XKR6: variants seen among roughly 807,000 people sequenced by gnomAD.
XKR6 encodes XK-related protein 6.
In XKR6, 22 loss-of-function variants were observed where a neutral mutation model predicts 56.7. The observed-to-expected ratio is 0.39, with a 90% CI of 0.28 to 0.55. The LOEUF (loss-of-function observed/expected upper bound fraction) is 0.55, where lower values mean the gene tolerates loss of function less well. Among genes scored for constraint, XKR6 ranks in the 20% least tolerant of loss-of-function variants. The pLI is 0.66. For synonymous variants in XKR6, 524 were observed against 387.8 expected, an observed-to-expected ratio of 1.35 and a Z score of -4.13; for missense variants, 852 against 889.0, an observed-to-expected ratio of 0.96 and a Z score of 0.53.
chr8:11,115,672 A>C (rs1398149846), intron 1 of XKR6, among the ~76,000 whole-genome samples: 1 of 152,188 alleles, frequency 6.6e-6, no homozygotes, highest in Non-Finnish European at 1.5e-5. Flanking sequence ...ACCTGATTCA[A>C]ATTAAGCTCC....
chr8:11,066,523 A>G (rs2409688), intron 1 of XKR6, among the ~76,000 whole-genome samples: 46,881 of 151,980 alleles, frequency 0.31, 7,310 homozygotes, highest in Middle Eastern at 0.41. Context: ...CTTGGTTTTC[A>G]CATTTATCCA....
intron 2 of XKR6, among the ~76,000 whole-genome samples, chr8:10,914,469 C>T (rs745386493): frequency 5.9e-5 from 9 of 152,154 alleles, no homozygotes; most frequent in Non-Finnish European, 1.2e-4. Flanking sequence ...GAAGCTCCCA[C>T]GAGGTCTCAG....
rs562469709 is a variant in XKR6 at position 11,025,407 on chromosome 8, T to C, written c.765-100577A>G. On this transcript the variant is annotated intron_variant, in intron 1 of 2. Transcript: ENST00000416569. Reference sequence around the variant, plus strand: ...ATGGAGTCTATTCAAAAAATACCTATTGAATACCTGCTAAGGCCTGCTGAA... The same window carrying C: ...ATGGAGTCTATTCAAAAAATACCTACTGAATACCTGCTAAGGCCTGCTGAA... Among the ~76,000 whole-genome samples the C allele has an allele frequency of 1.4e-4, 21 of 152,300 alleles. 1 individual carries two copies. In the South Asian group the frequency reaches 3.5e-3, roughly 26 times the overall value.
rs569421357 is a variant in XKR6, at chr8:10,998,481, G to A, written c.765-73651C>T. ...CTTCTCCATCTTACTGACAGGCCTG[G>A]TAAGAGCTCCACTTCAAATTTATGA... On this transcript the variant is annotated intron_variant, in intron 1 of 2. Transcript: ENST00000416569. Among the ~76,000 whole-genome samples, 30 of 152,218 alleles carry A rather than the reference G, an allele frequency of 2.0e-4. No individual in the cohort carries two copies. In the South Asian group the frequency reaches 6.2e-3, roughly 32 times the overall value.
chr8:11,170,088 T>C (rs1802291605), intron 1 of XKR6, among the ~76,000 whole-genome samples: 1 of 150,798 alleles, frequency 6.6e-6, no homozygotes, highest in South Asian at 2.1e-4. Flanking sequence ...GATAATGTCT[T>C]GTACTGAAAA....
intron 1 of XKR6, among the ~76,000 whole-genome samples, chr8:11,001,416 G>A (rs925823488): frequency 6.6e-6 from 1 of 152,214 alleles, no homozygotes; most frequent in African/African-American, 2.4e-5. Context: ...AGAAGCTGAA[G>A]TTGACAGTGA....
intron 2 of XKR6, among the ~76,000 whole-genome samples, chr8:10,919,597 A>T (rs914989939): frequency 6.6e-6 from 1 of 152,220 alleles, no homozygotes; most frequent in Non-Finnish European, 1.5e-5. Flanking sequence ...CCTTTGCAAC[A>T]ACCCAAAAAG....
chr8:10,999,134 A>G (rs1798183119), intron 1 of XKR6, among the ~76,000 whole-genome samples: 1 of 152,242 alleles, frequency 6.6e-6, no homozygotes, highest in Non-Finnish European at 1.5e-5. Flanking sequence ...TCCATCAAGC[A>G]TGCATTAATA....
At chr8:11,140,727 C>G (rs997172817) in intron 1 of XKR6, among the ~76,000 whole-genome samples, 3 of 151,846 alleles carry the variant, frequency 2.0e-5, no homozygotes, top group Non-Finnish European at 2.9e-5. Context: ...GAAACCCGGT[C>G]TCTACTAAAA....
intron 1 of XKR6, among the ~76,000 whole-genome samples, chr8:11,100,870 A>C (rs553305826): frequency 2.0e-5 from 3 of 152,176 alleles, no homozygotes; most frequent in Admixed American, 6.5e-5. Context: ...AGTGCTTTGA[A>C]AGGTGGCCGC....
At chr8:10,924,925 TCC>T in intron 1 of XKR6, 95 bp from the exon 2 acceptor site, 1 of 1,314,102 alleles carries the variant, frequency 7.6e-7, no homozygotes, top group South Asian at 1.4e-5. Flanking sequence ...AGACTCAGCA[TCC>T]CCCCAACTCC....
intron 1 of XKR6, among the ~76,000 whole-genome samples, chr8:11,036,208 A>G (rs1240179548): frequency 6.6e-6 from 1 of 152,142 alleles, no homozygotes; most frequent in East Asian, 1.9e-4. Flanking sequence ...TCAGTCTCCC[A>G]AAGTGCTAAG....
chr8:10,979,910 A>T (rs10092835), intron 1 of XKR6, among the ~76,000 whole-genome samples: 21 of 151,792 alleles, frequency 1.4e-4, no homozygotes, highest in African/African-American at 5.1e-4. Context: ...TTATAAGGAC[A>T]TCTATTGTGA....
chr8:11,053,661 C>G (rs1251175447), intron 1 of XKR6, among the ~76,000 whole-genome samples: 1 of 152,232 alleles, frequency 6.6e-6, no homozygotes. Context: ...TCTCTGGAAC[C>G]AGCTTTCATT....
chr8:11,149,473 T>C (rs1186662412), intron 1 of XKR6, among the ~76,000 whole-genome samples: 2 of 152,236 alleles, frequency 1.3e-5, no homozygotes, highest in African/African-American at 4.8e-5. Context: ...ACATCAGATT[T>C]GATACTTTAC....
chr8:11,060,316 C>A (rs1165753841), intron 1 of XKR6, among the ~76,000 whole-genome samples: 1 of 152,204 alleles, frequency 6.6e-6, no homozygotes, highest in African/African-American at 2.4e-5. Flanking sequence ...CGCCTCCCTG[C>A]CTCCATGCCT....
At chr8:11,014,477 C>T (rs1352058094) in intron 1 of XKR6, among the ~76,000 whole-genome samples, 2 of 152,202 alleles carry the variant, frequency 1.3e-5, no homozygotes, top group Non-Finnish European at 2.9e-5. Flanking sequence ...GCCCTGCAAA[C>T]ACTTCCAGTA....
At chr8:10,937,900 A>T (rs1233206415) in intron 1 of XKR6, among the ~76,000 whole-genome samples, 2 of 151,922 alleles carry the variant, frequency 1.3e-5, no homozygotes, top group Non-Finnish European at 2.9e-5. Flanking sequence ...AGAGGCAGGC[A>T]GGCCTCCTTG....
intron 1 of XKR6, among the ~76,000 whole-genome samples, chr8:11,083,218 C>T (rs1240334495): frequency 6.6e-6 from 1 of 152,206 alleles, no homozygotes; most frequent in Non-Finnish European, 1.5e-5. Flanking sequence ...ACACATGGCT[C>T]AGCACATTCA....
Sources: gnomAD v4.1 joint callset for allele counts (sites outside exome capture counted in the v4.1 genomes callset) on GRCh38, gnomAD v4.1.1 for gene constraint, MANE v1.5 for transcripts, NCBI Gene and HGNC (gene_info 2026-07-23, HGNC 2026-07-21) for gene names.